Variants in NPAS2 observed in about 807,000 individuals in gnomAD.
NPAS2 encodes neuronal PAS domain-containing protein 2.
A neutral mutation model predicts 107.5 loss-of-function variants in NPAS2; 23 were observed. The observed-to-expected ratio is 0.21, with a 90% CI of 0.15 to 0.30. The LOEUF (loss-of-function observed/expected upper bound fraction) is 0.30, where lower values mean the gene tolerates loss of function less well. Ranked by LOEUF, NPAS2 falls within the 10% of genes least tolerant of loss-of-function variation. The probability of loss-of-function intolerance (pLI) is 1.00; values close to 1 mark genes in which losing one functional copy is unlikely to be tolerated. For synonymous variants in NPAS2, 403 were observed against 417.5 expected (o/e 0.97, Z 0.42); for missense variants, 756 against 1,043.3 (o/e 0.72, Z 3.79).
chr2:100,960,120 G>C (rs752804190), intron 7 of NPAS2, among the ~76,000 whole-genome samples: 2 of 152,102 alleles, frequency 1.3e-5, no homozygotes, highest in African/African-American at 2.4e-5. Flanking sequence ...AGGCAGACAT[G>C]ATTCATTCTG....
chr2:100,849,506 G>A (rs1402456894), intron 1 of NPAS2, among the ~76,000 whole-genome samples: 2 of 152,066 alleles, frequency 1.3e-5, no homozygotes, highest in Non-Finnish European at 2.9e-5. Context: ...CAGAACTCCA[G>A]GTAGATCATT....
chr2:100,843,815 T>C (rs1054342053), intron 1 of NPAS2, among the ~76,000 whole-genome samples: 1 of 152,180 alleles, frequency 6.6e-6, no homozygotes, highest in African/African-American at 2.4e-5. Flanking sequence ...GAAGGAATAA[T>C]TCCTTTTCAG....
At chr2:100,831,036 A>G (rs1220846841) in intron 1 of NPAS2, among the ~76,000 whole-genome samples, 1 of 152,196 alleles carries the variant, frequency 6.6e-6, no homozygotes, top group African/African-American at 2.4e-5. Context: ...ACAGTGGCTC[A>G]TGCCTGTAAT....
intron 1 of NPAS2, among the ~76,000 whole-genome samples, chr2:100,854,948 A>C (rs56364655): frequency 0.42 from 64,260 of 152,094 alleles, 15,239 homozygotes; most frequent in Non-Finnish European, 0.54. Flanking sequence ...ACTGGATTTA[A>C]AAGATTTAGT....
chr2:100,899,433 G>T (rs775917618), intron 1 of NPAS2, among the ~76,000 whole-genome samples: 1 of 152,024 alleles, frequency 6.6e-6, no homozygotes, highest in African/African-American at 2.4e-5. Flanking sequence ...GTGTTTCCCA[G>T]GCTGGTCTCG....
chr2:100,858,257 C>T (rs1041427227), intron 1 of NPAS2, among the ~76,000 whole-genome samples: 11 of 152,086 alleles, frequency 7.2e-5, no homozygotes, highest in Admixed American at 2.0e-4. Context: ...ATTTTAAAAC[C>T]GTGACCAGCA....
chr2:100,934,555 A>C (rs1054734026), intron 4 of NPAS2, among the ~76,000 whole-genome samples: 3 of 152,274 alleles, frequency 2.0e-5, no homozygotes, highest in Non-Finnish European at 4.4e-5. Context: ...ATTGGATCTG[A>C]AATTAAGCCT....
chr2:100,842,079 G>A (rs945669893), intron 1 of NPAS2, among the ~76,000 whole-genome samples: 20 of 74,100 alleles, frequency 2.7e-4, no homozygotes, highest in Admixed American at 1.8e-3. Flanking sequence ...GTGCATGTAC[G>A]CGCACACACA....
intron 7 of NPAS2, among the ~76,000 whole-genome samples, chr2:100,954,827 A>G (rs1460381287): frequency 6.6e-6 from 1 of 152,048 alleles, no homozygotes; most frequent in East Asian, 1.9e-4. Context: ...TAATATGTGT[A>G]GAAGAAAAAT....
intron 1 of NPAS2, among the ~76,000 whole-genome samples, chr2:100,829,575 C>T (rs1478051139): frequency 1.3e-5 from 2 of 152,148 alleles, no homozygotes; most frequent in African/African-American, 4.8e-5. Flanking sequence ...TCGGGGTTTT[C>T]TAGCCATAGA....
intron 1 of NPAS2, among the ~76,000 whole-genome samples, chr2:100,832,721 G>C (rs1006134138): frequency 1.0e-5 from 1 of 99,072 alleles, no homozygotes; most frequent in Non-Finnish European, 2.0e-5. Flanking sequence ...GAAACAATGG[G>C]GGTGCTAGTG....
At chr2:100,947,198 T>G (rs1674951560) in intron 5 of NPAS2, among the ~76,000 whole-genome samples, 1 of 152,132 alleles carries the variant, frequency 6.6e-6, no homozygotes, top group South Asian at 2.1e-4. Flanking sequence ...CACTGTGAGC[T>G]CCTACCTGCA....
intron 1 of NPAS2, among the ~76,000 whole-genome samples, chr2:100,893,537 T>C (rs1013079896): frequency 2.0e-5 from 3 of 152,226 alleles, no homozygotes; most frequent in East Asian, 1.9e-4. Context: ...TGTGAAAACA[T>C]AGGCCTTGCA....
At chr2:100,980,548 C>T (rs1677374646) in intron 15 of NPAS2, among the ~76,000 whole-genome samples, 1 of 152,094 alleles carries the variant, frequency 6.6e-6, no homozygotes, top group Non-Finnish European at 1.5e-5. Flanking sequence ...CGGCTCACTG[C>T]AACCTCTGCC....
intron 5 of NPAS2, among the ~76,000 whole-genome samples, chr2:100,942,514 C>T (rs962320036): frequency 2.6e-5 from 4 of 152,088 alleles, no homozygotes; most frequent in African/African-American, 9.7e-5. Flanking sequence ...TTCCAGGCCT[C>T]TAGTTAGATT....
intron 15 of NPAS2, among the ~76,000 whole-genome samples, chr2:100,981,972 G>A (rs1558937858): frequency 6.6e-6 from 1 of 152,244 alleles, no homozygotes; most frequent in Non-Finnish European, 1.5e-5. Context: ...CTGCAGGGCA[G>A]TAAGTCAGGT....
chr2:100,835,731 T>C (rs1408011979), intron 1 of NPAS2, among the ~76,000 whole-genome samples: 1 of 152,138 alleles, frequency 6.6e-6, no homozygotes, highest in African/African-American at 2.4e-5. Flanking sequence ...AGGGGTCACC[T>C]GGACCACATT....
At chr2:100,993,175 C>T (rs560696701) in intron 19 of NPAS2, among the ~76,000 whole-genome samples, 172 bp from the exon 20 acceptor site, 4 of 152,088 alleles carry the variant, frequency 2.6e-5, no homozygotes, top group African/African-American at 7.2e-5. Flanking sequence ...CCTTGTGATC[C>T]GCCTGCCTCG....
At chr2:100,892,006 C>T (rs567432711) in intron 1 of NPAS2, among the ~76,000 whole-genome samples, 1 of 152,220 alleles carries the variant, frequency 6.6e-6, no homozygotes, top group African/African-American at 2.4e-5. Flanking sequence ...ATCTCCTTTT[C>T]CCCTCTTGCT....
Sources: gnomAD v4.1 joint callset for allele counts (sites outside exome capture counted in the v4.1 genomes callset) on GRCh38, gnomAD v4.1.1 for gene constraint, MANE v1.5 for transcripts, NCBI Gene and HGNC (gene_info 2026-07-23, HGNC 2026-07-21) for gene names.